PROM1: variants seen among roughly 807,000 people sequenced by gnomAD.
PROM1 encodes prominin 1, also known as prominin-1.
Under a neutral mutation model 116.9 loss-of-function variants are expected in PROM1, and 105 were observed. That is an observed-to-expected ratio of 0.90 (90% CI 0.77 to 1.06). The LOEUF (loss-of-function observed/expected upper bound fraction) is 1.06. Ranked by LOEUF, PROM1 falls within the 50% of genes least tolerant of loss-of-function variation. PROM1 has a pLI of 0.00. For synonymous variants in PROM1, 393 were observed against 387.0 expected, an observed-to-expected ratio of 1.02 and a Z score of -0.18; for missense variants, 1,122 against 1,045.2, an observed-to-expected ratio of 1.07 and a Z score of -1.01.
chr4:16,032,448 C>T (rs978023437), intron 5 of PROM1, among the ~76,000 whole-genome samples: 1 of 152,192 alleles, frequency 6.6e-6, no homozygotes, highest in Non-Finnish European at 1.5e-5. Flanking sequence ...TGAAAAAAAT[C>T]TTACGGCTAC....
chr4:16,024,468 T>TA (rs1173646275), intron 6 of PROM1, 110 bp from the exon 7 acceptor site: 1 of 858,416 alleles, frequency 1.2e-6, no homozygotes, highest in African/African-American at 1.7e-5. Context: ...CATTTTCAGG[T>TA]AACCAGCAAG....
At chr4:16,072,503 T>TC (rs1743042860) in intron 2 of PROM1, among the ~76,000 whole-genome samples, 1 of 152,166 alleles carries the variant, frequency 6.6e-6, no homozygotes, top group South Asian at 2.1e-4. Flanking sequence ...CCTAACCAAC[T>TC]CCATCTTGCT....
chr4:16,032,073 GCCAGTTTCTTGTCAAC>G (rs1426426648), intron 5 of PROM1, among the ~76,000 whole-genome samples: 1 of 151,790 alleles, frequency 6.6e-6, no homozygotes, highest in Non-Finnish European at 1.5e-5. Flanking sequence ...AACCACTGTT[GCCAGTTTCTTGTCAAC>G]CCTTTCACAT....
At chr4:16,004,848 C>CTTTCT (rs1560460298) in intron 13 of PROM1, among the ~76,000 whole-genome samples, 2 of 134,370 alleles carry the variant, frequency 1.5e-5, no homozygotes, top group African/African-American at 5.7e-5. Flanking sequence ...TTCCTTCCTT[C>CTTTCT]CTTCCTTCCT....
intron 7 of PROM1, 81 bp downstream of exon 7, chr4:16,024,214 C>G (rs17478336): frequency 2.4e-6 from 3 of 1,248,988 alleles, no homozygotes; most frequent in Non-Finnish European, 3.4e-6. Flanking sequence ...CTTTCACGTA[C>G]GTCATTTCTT....
intron 14 of PROM1, among the ~76,000 whole-genome samples, chr4:16,000,029 C>G (rs957551756): frequency 6.6e-6 from 1 of 152,180 alleles, no homozygotes; most frequent in African/African-American, 2.4e-5. Flanking sequence ...CCAGGTCAGC[C>G]CTCTGCCACG....
intron 2 of PROM1, among the ~76,000 whole-genome samples, chr4:16,043,735 G>C (rs1428657893): frequency 6.6e-6 from 1 of 152,130 alleles, no homozygotes; most frequent in African/African-American, 2.4e-5. Flanking sequence ...CTGCTCTTGA[G>C]AGCACACAGG....
Position 16,009,057 on chromosome 4 carries a change from T to C in PROM1, c.1193A>G (p.Gln398Arg). 1 of 1,610,642 alleles carries C rather than the reference T, an allele frequency of 6.2e-7. No individual in the cohort carries two copies. The highest frequency in any genetic ancestry group is 1.3e-5 in the African/African-American group (1 of 74,946). ...SIGSDIDNVT[Q>R]RLPIQDILSA... ...GAGTATATCCTGAATAGGAAGACGC[T>C]GAGTTACATTGTCGATATCTGAACC... Residue 398 changes from glutamine to arginine, a missense_variant, in exon 12 of 28, where the codon CAG becomes CGG. Coordinates refer to ENST00000447510, the MANE Select transcript of PROM1 (RefSeq NM_006017.3).
At chr4:16,043,062 T>C (rs1224502103) in intron 2 of PROM1, among the ~76,000 whole-genome samples, 2 of 152,256 alleles carry the variant, frequency 1.3e-5, no homozygotes, top group Admixed American at 6.5e-5. Context: ...TTGACAAATA[T>C]ATGTTAAGGT....
At chr4:16,005,617 C>A (rs144138592) in intron 13 of PROM1, among the ~76,000 whole-genome samples, 2 of 152,034 alleles carry the variant, frequency 1.3e-5, no homozygotes, top group Non-Finnish European at 2.9e-5. Context: ...CTCTCCAGCC[C>A]GCTCACTCAC....
intron 2 of PROM1, among the ~76,000 whole-genome samples, chr4:16,045,131 C>T (rs554687191): frequency 6.6e-5 from 10 of 152,248 alleles, no homozygotes; most frequent in South Asian, 6.2e-4. Context: ...GAAAGTGTCC[C>T]GTGCCATCTG....
rs150691149 is a variant in PROM1, at chr4:16,025,602, T to C, written c.510-290A>G. 7.2e-5 allele frequency among the ~76,000 whole-genome samples: 11 copies of C among 152,188 alleles called. No homozygotes were observed. The East Asian group carries it at 2.1e-3, about 29-fold the overall frequency. The stretch of plus-strand genomic sequence containing the variant: ...TGTTCACAACAAATTGTGGAGGAAA[T>C]AGGTGCAAAAAGGTTATAAGGCAGC... On this transcript the variant is annotated intron_variant, in intron 5 of 27. Transcript: ENST00000447510.
intron 5 of PROM1, among the ~76,000 whole-genome samples, chr4:16,030,189 G>T (rs885289): frequency 0.13 from 19,035 of 152,058 alleles, 1,614 homozygotes; most frequent in East Asian, 0.32. Context: ...CATTAAAATA[G>T]CTACCGTAAA....
intron 12 of PROM1, among the ~76,000 whole-genome samples, chr4:16,008,276 C>G (rs961002748): frequency 1.3e-5 from 2 of 152,162 alleles, no homozygotes; most frequent in Non-Finnish European, 2.9e-5. Flanking sequence ...CTTGAGCCTC[C>G]AAGTCCTTCC....
chr4:16,073,881 TA>T (rs890452270), intron 2 of PROM1, among the ~76,000 whole-genome samples: 232 of 148,196 alleles, frequency 1.6e-3, no homozygotes, highest in Non-Finnish European at 2.9e-3. Context: ...TTTTCCTTAT[TA>T]AAAAAAAAAG....
intron 19 of PROM1, among the ~76,000 whole-genome samples, chr4:15,988,401 C>G (rs9991714): frequency 0.95 from 144,643 of 152,324 alleles, 68,819 homozygotes; most frequent in Middle Eastern, 0.99. Flanking sequence ...ATCTGTAAAA[C>G]ACCAGAGTAA....
chr4:15,979,501 T>C, intron 25 of PROM1, 38 bp from the exon 26 acceptor site: 1 of 1,581,074 alleles, frequency 6.3e-7, no homozygotes, highest in Non-Finnish European at 8.6e-7. Flanking sequence ...CACCATGTTA[T>C]CTCTAAGATG....
chr4:16,043,149 T>C (rs926529498), intron 2 of PROM1, among the ~76,000 whole-genome samples: 3 of 152,092 alleles, frequency 2.0e-5, no homozygotes, highest in Non-Finnish European at 4.4e-5. Context: ...TTTTTAAGAG[T>C]TAAAGCGGAT....
Position 16,075,820 on chromosome 4 carries a change from A to G in PROM1, c.87T>C (p.Pro29=), listed in dbSNP as rs1276757136. The G allele has an allele frequency of 1.9e-6, 3 of 1,613,796 alleles. No homozygotes were observed. The highest frequency in any genetic ancestry group is 2.5e-6 in the Non-Finnish European group (3 of 1,179,840). ...SGGQPSSTDA[P]KAWNYELPAT... The stretch of plus-strand genomic sequence containing the variant: ...CAGGCAATTCATAATTCCAAGCCTT[A>G]GGAGCATCTGTGGATGAAGGCTGCC... Residue 29 remains proline, a synonymous_variant, in exon 2 of 28, where the codon CCT becomes CCC. Transcript: ENST00000447510.
Sources: gnomAD v4.1 joint callset for allele counts (sites outside exome capture counted in the v4.1 genomes callset) on GRCh38, gnomAD v4.1.1 for gene constraint, MANE v1.5 for transcripts, NCBI Gene and HGNC (gene_info 2026-07-23, HGNC 2026-07-21) for gene names.